Variants in ERICH5 observed in about 807,000 individuals in gnomAD.
The protein encoded by ERICH5 is glutamate rich 5.
Under a neutral mutation model 28.0 loss-of-function variants are expected in ERICH5, and 24 were observed. The observed-to-expected ratio is 0.86, with a 90% confidence interval of 0.62 to 1.21. The LOEUF is 1.21. Among genes scored for constraint, ERICH5 ranks in the 50% most tolerant of loss-of-function variants. The pLI, the probability that ERICH5 is intolerant of heterozygous loss-of-function variation, is 0.00. For synonymous variants in ERICH5, 163 were observed against 157.6 expected (o/e 1.03, Z -0.25); for missense variants, 421 against 441.2 (o/e 0.95, Z 0.41).
At chr8:98,092,278 C>T (rs1488956715) in intron 2 of ERICH5, among the ~76,000 whole-genome samples, 1 of 151,878 alleles carries the variant, frequency 6.6e-6, no homozygotes, top group Non-Finnish European at 1.5e-5. Flanking sequence ...CAGCTCAATC[C>T]ATTCTCCCTC....
At chr8:98,066,545 CTA>C (rs751587777) in intron 1 of ERICH5, among the ~76,000 whole-genome samples, 7 of 152,164 alleles carry the variant, frequency 4.6e-5, no homozygotes, top group African/African-American at 7.2e-5. Flanking sequence ...ATATTAATAA[CTA>C]TTCCACGTGA....
intron 2 of ERICH5, among the ~76,000 whole-genome samples, chr8:98,091,904 TCTTTCTTTCTTTCTTC>T: frequency 1.2e-5 from 1 of 81,656 alleles, no homozygotes; most frequent in East Asian, 3.4e-4. Context: ...TTCTTTCCTT[TCTTTCTTTCTTTCTTC>T]CTTTCTTTCT....
chr8:98,076,609 T>C (rs1325052328), intron 1 of ERICH5, among the ~76,000 whole-genome samples: 1 of 152,148 alleles, frequency 6.6e-6, no homozygotes, highest in Non-Finnish European at 1.5e-5. Flanking sequence ...CACACTAAGA[T>C]AGGCAGCAAC....
At chr8:98,084,325 C>T (rs2130527196) in intron 1 of ERICH5, among the ~76,000 whole-genome samples, 1 of 152,292 alleles carries the variant, frequency 6.6e-6, no homozygotes, top group East Asian at 1.9e-4. Context: ...TGCCCTGTGT[C>T]ACTGGACACA....
chr8:98,078,375 G>C (rs1815098608), intron 1 of ERICH5, among the ~76,000 whole-genome samples: 1 of 152,090 alleles, frequency 6.6e-6, no homozygotes, highest in Non-Finnish European at 1.5e-5. Flanking sequence ...AAAAGCTCCA[G>C]GAACCTAGAA....
At chr8:98,079,723 A>G (rs1815139015) in intron 1 of ERICH5, among the ~76,000 whole-genome samples, 1 of 152,170 alleles carries the variant, frequency 6.6e-6, no homozygotes, top group Non-Finnish European at 1.5e-5. Context: ...TATTTTTAGT[A>G]GAGACGGGGT....
intron 1 of ERICH5, among the ~76,000 whole-genome samples, chr8:98,081,099 T>C (rs1028524723): frequency 2.0e-5 from 3 of 151,848 alleles, no homozygotes; most frequent in Non-Finnish European, 2.9e-5. Context: ...TCTCTCTCTC[T>C]CTCTCTCTTT....
At chr8:98,081,542 A>G (rs975045457) in intron 1 of ERICH5, among the ~76,000 whole-genome samples, 1 of 152,210 alleles carries the variant, frequency 6.6e-6, no homozygotes, top group African/African-American at 2.4e-5. Flanking sequence ...TCCTCATGTC[A>G]GTTCCCTGGT....
chr8:98,071,062 A>G (rs903661109), intron 1 of ERICH5, among the ~76,000 whole-genome samples: 11 of 151,992 alleles, frequency 7.2e-5, no homozygotes, highest in Non-Finnish European at 1.5e-4. Context: ...TCAGGAGTTC[A>G]AGACCAGCCT....
intron 1 of ERICH5, among the ~76,000 whole-genome samples, chr8:98,070,660 CAAAAAAAAAA>C (rs769042472): frequency 2.6e-5 from 1 of 38,758 alleles, no homozygotes; most frequent in East Asian, 5.2e-4. Flanking sequence ...AACTGCATCT[CAAAAAAAAAA>C]AAAAAAAAAA....
intron 2 of ERICH5, among the ~76,000 whole-genome samples, chr8:98,092,658 C>A (rs1815427967): frequency 6.6e-6 from 1 of 152,082 alleles, no homozygotes; most frequent in Admixed American, 6.6e-5. Context: ...AATTTTGCAT[C>A]CTGATTTTAT....
At chr8:98,081,625 G>A (rs1461778069) in intron 1 of ERICH5, among the ~76,000 whole-genome samples, 2 of 152,134 alleles carry the variant, frequency 1.3e-5, no homozygotes, top group Non-Finnish European at 2.9e-5. Flanking sequence ...TGCAGGAACT[G>A]GAGTTATAAT....
At chr8:98,078,144 A>G (rs1815093208) in intron 1 of ERICH5, among the ~76,000 whole-genome samples, 1 of 152,212 alleles carries the variant, frequency 6.6e-6, no homozygotes, top group Non-Finnish European at 1.5e-5. Context: ...ACACTTGGGA[A>G]TTAGCATTTG....
At chr8:98,076,235 G>A (rs2513828) in intron 1 of ERICH5, among the ~76,000 whole-genome samples, 51,652 of 151,736 alleles carry the variant, frequency 0.34, 9,418 homozygotes, top group East Asian at 0.62. Context: ...TGTATTTTTT[G>A]TACAGACGGG....
At chr8:98,075,752 CTA>C (rs1209504663) in intron 1 of ERICH5, among the ~76,000 whole-genome samples, 5 of 149,340 alleles carry the variant, frequency 3.3e-5, no homozygotes, top group African/African-American at 7.5e-5. Flanking sequence ...CACACAGTTG[CTA>C]ACTGCTAACT....
rs1814784249 is a variant in ERICH5 at position 98,064,658 on chromosome 8, G to T, written c.-12G>T. On this transcript the variant is annotated 5_prime_UTR_variant, in exon 1 of 3. Transcript: ENST00000318528. ...CCGCGCAGGGCTGAGACAGGTGTCTGCGCTCCCCGCAATGGGCTGCTCCAG... is the reference window on the plus strand; with the variant it reads ...CCGCGCAGGGCTGAGACAGGTGTCTTCGCTCCCCGCAATGGGCTGCTCCAG... The T allele has an allele frequency of 6.6e-7, 1 of 1,525,532 alleles. No homozygotes were observed. 94.5% of individuals were successfully genotyped at this position (1,525,532 alleles called of 1,614,324 possible). A position where few individuals can be genotyped will look rare whatever the true frequency, so the allele number is the denominator to read the frequency against.
chr8:98,085,781 C>T (rs1250245003), intron 1 of ERICH5, among the ~76,000 whole-genome samples: 2 of 152,228 alleles, frequency 1.3e-5, no homozygotes, highest in Non-Finnish European at 2.9e-5. Flanking sequence ...ACTATCCTTT[C>T]CTGAGTCCTC....
chr8:98,070,660 CAAAA>C (rs769042472), intron 1 of ERICH5, among the ~76,000 whole-genome samples: 1 of 38,758 alleles, frequency 2.6e-5, no homozygotes, highest in Non-Finnish European at 5.1e-5. Context: ...AACTGCATCT[CAAAA>C]AAAAAAAAAA....
At chr8:98,074,631 T>G (rs1389443223) in intron 1 of ERICH5, among the ~76,000 whole-genome samples, 1 of 152,140 alleles carries the variant, frequency 6.6e-6, no homozygotes, top group East Asian at 1.9e-4. Flanking sequence ...ACTGCTGGCC[T>G]CAAGTGATCC....
Sources: allele counts gnomAD v4.1 joint callset (sites outside exome capture counted in the v4.1 genomes callset), GRCh38; gene constraint gnomAD v4.1.1; transcripts MANE v1.5; gene names NCBI Gene and HGNC (gene_info 2026-07-23, HGNC 2026-07-21).